The following GRIA1 variants were observed in gnomAD, a reference collection of about 807,000 sequenced individuals.
The protein encoded by GRIA1 is glutamate ionotropic receptor AMPA type subunit 1.
GRIA1 carries 31 observed loss-of-function variants against 99.2 expected under a neutral mutation model. That is an observed-to-expected ratio of 0.31 (90% CI 0.23 to 0.42). GRIA1 has a LOEUF of 0.42. GRIA1 is among the 10% of genes least tolerant of loss of function. The pLI is 1.00. For missense variants in GRIA1, 782 were observed against 1,157.5 expected (o/e 0.68, Z 4.71); for synonymous variants, 438 against 432.4 (o/e 1.01, Z -0.16).
chr5:153,595,889 T>TTGGCTAACTTAG (rs1764387591), intron 2 of GRIA1, among the ~76,000 whole-genome samples: 1 of 151,942 alleles, frequency 6.6e-6, no homozygotes, highest in South Asian at 2.1e-4. Flanking sequence ...AAATACTTCT[T>TTGGCTAACTTAG]TGGCTAACTT....
chr5:153,557,693 T>C (rs1452162724), intron 2 of GRIA1: 2 of 152,218 alleles, frequency 1.3e-5, no homozygotes, highest in African/African-American at 4.8e-5. Flanking sequence ...CTTTAAACTT[T>C]AAATGTTTAA....
chr5:153,698,369 AACTT>A (rs1561778750), intron 9 of GRIA1, among the ~76,000 whole-genome samples: 1 of 152,240 alleles, frequency 6.6e-6, no homozygotes, highest in Admixed American at 6.5e-5. Context: ...ACCCTTGGGT[AACTT>A]ACTTACTTTC....
At chr5:153,603,423 C>T (rs1217706245) in intron 2 of GRIA1, among the ~76,000 whole-genome samples, 1 of 151,950 alleles carries the variant, frequency 6.6e-6, no homozygotes, top group South Asian at 2.1e-4. Context: ...ATTTATAGCC[C>T]TTTGGCTATA....
chr5:153,564,571 A>G (rs1761450050), intron 2 of GRIA1, among the ~76,000 whole-genome samples: 1 of 152,166 alleles, frequency 6.6e-6, no homozygotes, highest in African/African-American at 2.4e-5. Context: ...TTATTTACTC[A>G]TGTGAGCTGT....
upstream of GRIA1, chr5:153,489,774 A>C (rs1474911968): frequency 8.8e-6 from 4 of 456,544 alleles, no homozygotes; most frequent in Non-Finnish European, 1.8e-5. Flanking sequence ...ATCCAGAAAG[A>C]CCTGAAAGAA....
chr5:153,713,800 G>GT, intron 11 of GRIA1, among the ~76,000 whole-genome samples: 1 of 152,288 alleles, frequency 6.6e-6, no homozygotes, highest in East Asian at 1.9e-4. Flanking sequence ...TTTTCAGAAA[G>GT]TTTTTCACAG....
chr5:153,581,645 A>AC (rs1290631870), intron 2 of GRIA1, among the ~76,000 whole-genome samples: 1 of 150,624 alleles, frequency 6.6e-6, no homozygotes, highest in Non-Finnish European at 1.5e-5. Context: ...CCCCACTCCT[A>AC]CCCCTCTGTA....
intron 4 of GRIA1, among the ~76,000 whole-genome samples, chr5:153,654,260 G>A (rs1754776624): frequency 6.6e-6 from 1 of 152,136 alleles, no homozygotes; most frequent in East Asian, 1.9e-4. Context: ...TAGATGGGAA[G>A]GTTGGTATCA....
intron 3 of GRIA1, among the ~76,000 whole-genome samples, chr5:153,647,906 G>A (rs1413400107): frequency 6.6e-6 from 1 of 152,022 alleles, no homozygotes; most frequent in African/African-American, 2.4e-5. Context: ...TCTTTTGCAG[G>A]ATGTCCCTAT....
chr5:153,760,223 A>T (rs1763091107), intron 11 of GRIA1, among the ~76,000 whole-genome samples: 2 of 152,068 alleles, frequency 1.3e-5, no homozygotes, highest in African/African-American at 4.8e-5. Context: ...AAAAATAAAG[A>T]ACATTCAAAT....
chr5:153,607,065 A>ATATATATATATATATATATATATG (rs1349350277), intron 2 of GRIA1, among the ~76,000 whole-genome samples: 48 of 147,436 alleles, frequency 3.3e-4, no homozygotes, highest in African/African-American at 1.1e-3. Context: ...ATATATATAT[A>ATATATATATATATATATATATATG]TATAATCACA....
chr5:153,686,410 C>T (rs1276499092), intron 8 of GRIA1, 81 bp downstream of exon 8: 3 of 969,372 alleles, frequency 3.1e-6, no homozygotes, highest in South Asian at 1.4e-5. Context: ...CCTGTGAGTC[C>T]ACCTTTTCTG....
intron 2 of GRIA1, among the ~76,000 whole-genome samples, chr5:153,577,093 G>A (rs1221465344): frequency 1.4e-5 from 2 of 140,372 alleles, no homozygotes; most frequent in African/African-American, 5.1e-5. Context: ...TGGATGAATG[G>A]ATGGATGGAT....
rs372376966 is a variant in GRIA1 at position 153,613,814 on chromosome 5, A to G, written c.221-33114A>G. On this transcript the variant is annotated intron_variant, in intron 2 of 15. Transcript: ENST00000285900. The stretch of plus-strand genomic sequence containing the variant: ...CGTTCACTTTAGTTTCAGAAAATCA[A>G]CAGGCCAGAAAGGAAACCATGTGCC... Among the ~76,000 whole-genome samples, 4 of 152,204 alleles carry G rather than the reference A, an allele frequency of 2.6e-5. No homozygotes were observed. In the East Asian group the frequency reaches 7.7e-4, roughly 29 times the overall value.
chr5:153,753,288 C>T (rs1488402857), intron 11 of GRIA1, among the ~76,000 whole-genome samples: 1 of 152,132 alleles, frequency 6.6e-6, no homozygotes, highest in Non-Finnish European at 1.5e-5. Flanking sequence ...GAACACAATA[C>T]AACAATGGAA....
At chr5:153,794,892 T>C (rs1765548074) in intron 14 of GRIA1, among the ~76,000 whole-genome samples, 157 bp downstream of exon 14, 1 of 152,122 alleles carries the variant, frequency 6.6e-6, no homozygotes, top group Non-Finnish European at 1.5e-5. Context: ...AGAAGTAGCA[T>C]CAAACTATCC....
chr5:153,723,914 G>C (rs1051300441), intron 11 of GRIA1, among the ~76,000 whole-genome samples: 8 of 152,174 alleles, frequency 5.3e-5, no homozygotes, highest in Admixed American at 5.2e-4. Context: ...CATGCAGCTG[G>C]AGATCTGAGA....
intron 5 of GRIA1, among the ~76,000 whole-genome samples, chr5:153,657,188 T>C (rs531833649): frequency 6.6e-6 from 1 of 152,354 alleles, no homozygotes; most frequent in South Asian, 2.1e-4. Context: ...AGATTTTCAC[T>C]TTAATATATA....
intron 11 of GRIA1, among the ~76,000 whole-genome samples, chr5:153,710,625 A>C (rs1759244652): frequency 6.6e-6 from 1 of 152,166 alleles, no homozygotes. Flanking sequence ...TTCAACTTTC[A>C]TTTCTGATCC....
Sources: gnomAD v4.1 joint callset for allele counts (sites outside exome capture counted in the v4.1 genomes callset) on GRCh38, gnomAD v4.1.1 for gene constraint, MANE v1.5 for transcripts, NCBI Gene and HGNC (gene_info 2026-07-23, HGNC 2026-07-21) for gene names.